Variants in NGLY1 observed in about 807,000 individuals in gnomAD.
NGLY1 encodes peptide-N(4)-(N-acetyl-beta-glucosaminyl)asparagine amidase.
NGLY1 carries 68 observed loss-of-function variants against 84.6 expected under a neutral mutation model. That is an observed-to-expected ratio of 0.80 (90% CI 0.66 to 0.98). The LOEUF is 0.98. NGLY1 is among the 50% of genes least tolerant of loss of function. The probability of loss-of-function intolerance (pLI) is 0.00; values close to 1 mark genes in which losing one functional copy is unlikely to be tolerated. For synonymous variants in NGLY1, 280 were observed against 275.2 expected, an observed-to-expected ratio of 1.02 and a Z score of -0.17; for missense variants, 779 against 770.2, an observed-to-expected ratio of 1.01 and a Z score of -0.14.
At chr3:25,762,049 A>C (rs1000223310) in intron 3 of NGLY1, among the ~76,000 whole-genome samples, 10 of 152,214 alleles carry the variant, frequency 6.6e-5, no homozygotes, top group African/African-American at 2.4e-4. Context: ...ATTGAGTATC[A>C]ATATATTCCA....
intron 9 of NGLY1, among the ~76,000 whole-genome samples, chr3:25,731,705 C>T (rs1004259389): frequency 1.3e-5 from 2 of 152,094 alleles, no homozygotes; most frequent in African/African-American, 4.8e-5. Context: ...TAGCCATCAA[C>T]AGTGAAAAAT....
rs1013873617 is a variant in NGLY1 at position 25,775,562 on chromosome 3, C to G, written c.246+3012G>C. On this transcript the variant is annotated intron_variant, in intron 2 of 11. Transcript: ENST00000280700. ...TTCAGAAAGACAAATAACACATGTT[C>G]TCACTCATATGTGGGAGCTAAAACA... Among the ~76,000 whole-genome samples the G allele has an allele frequency of 3.3e-5, 5 of 152,160 alleles. 1 individual carries two copies. The highest frequency in any genetic ancestry group is 1.3e-4 in the Admixed American group (2 of 15,274).
Position 25,719,246 on chromosome 3 carries a change from C to A in NGLY1, c.*214G>T. ...CATATTGAGTCAACAAGACTTTACT[C>A]CAAATTATAGTCACATATGGAAGAA... On this transcript the variant is annotated 3_prime_UTR_variant, in exon 12 of 12. Coordinates refer to ENST00000280700, the MANE Select transcript of NGLY1 (RefSeq NM_018297.4). The A allele has an allele frequency of 2.6e-6, 1 of 389,262 alleles. No individual in the cohort carries two copies. The allele number at this position is 389,262 out of a possible 1,614,324, so 24.1% of individuals were successfully genotyped here.
chr3:25,734,937 G>A (rs1244828895), intron 7 of NGLY1: 4 of 694,490 alleles, frequency 5.8e-6, no homozygotes, highest in South Asian at 6.5e-5. Context: ...TTATATTACA[G>A]AACTGATTTT....
intron 3 of NGLY1, among the ~76,000 whole-genome samples, chr3:25,760,844 G>T (rs959949105): frequency 7.9e-6 from 1 of 125,970 alleles, no homozygotes; most frequent in Non-Finnish European, 1.6e-5. Context: ...TGGGCAACAA[G>T]AGTGAAACTC....
At position 25,783,112 on chromosome 3, in the gene NGLY1, A is replaced by C; in HGVS notation, c.131+148T>G. The C allele has an allele frequency of 1.5e-6, 1 of 671,920 alleles. No homozygotes were observed. The highest frequency in any genetic ancestry group is 2.4e-6 in the Non-Finnish European group (1 of 418,878). 41.6% of individuals were successfully genotyped at this position (671,920 alleles called of 1,614,324 possible). ...CGAGGCCCCTGGCCGGCGGGCTCGG[A>C]CGTTAGGAGCAGAACCAGCTCCAGG... On this transcript the variant is annotated intron_variant, in intron 1 of 11. Coordinates refer to ENST00000280700, the MANE Select transcript of NGLY1 (RefSeq NM_018297.4). This position sits in a 1 kb window ranked among gnomAD's most constrained non-coding sequence, Gnocchi z 4.5.
At chr3:25,732,583 C>A in intron 8 of NGLY1, 100 bp from the exon 9 acceptor site, 1 of 765,052 alleles carries the variant, frequency 1.3e-6, no homozygotes, top group Non-Finnish European at 2.0e-6. Context: ...TTTAAGAGGT[C>A]TTGAAACAAG....
chr3:25,770,741 T>A (rs1415527700), intron 2 of NGLY1, among the ~76,000 whole-genome samples: 3 of 152,228 alleles, frequency 2.0e-5, no homozygotes, highest in Non-Finnish European at 4.4e-5. Context: ...ATTCTTTAAT[T>A]ATGGCCATTC....
chr3:25,784,549 T>C (rs191603639), upstream of NGLY1, among the ~76,000 whole-genome samples: 1 of 152,352 alleles, frequency 6.6e-6, no homozygotes, highest in East Asian at 1.9e-4. Flanking sequence ...CTTCCTTCTT[T>C]GCAGAAATTC....
At chr3:25,734,683 G>T in intron 7 of NGLY1, 1 of 652,778 alleles carries the variant, frequency 1.5e-6, no homozygotes, top group Non-Finnish European at 1.9e-6. Flanking sequence ...CTGCACTCCA[G>T]CCTGGGCAAG....
chr3:25,724,466 T>C (rs1244626134), intron 10 of NGLY1, among the ~76,000 whole-genome samples: 1 of 152,250 alleles, frequency 6.6e-6, no homozygotes, highest in African/African-American at 2.4e-5. Flanking sequence ...TAAATATTTC[T>C]GTGTATACTT....
At chr3:25,734,288 CGAACTCCT>C (rs970434849) in intron 7 of NGLY1, 1 of 181,304 alleles carries the variant, frequency 5.5e-6, no homozygotes, top group Admixed American at 6.2e-5. Context: ...AGGCTGGTCT[CGAACTCCT>C]GACCTCAGGT....
rs143353538 is a variant in NGLY1 at position 25,739,762 on chromosome 3, C to T, written c.696G>A (p.Glu232=). 6.2e-7 allele frequency: 1 copy of T among 1,614,020 alleles called. No individual in the cohort carries two copies. Among genetic ancestry groups the T allele is most frequent in the Non-Finnish European group, 8.5e-7 (1 of 1,179,978 alleles). ...ATTCTTCCTTAAACCAGTGCAAAAG[C>T]TCCAGCAAAAGAAAATCCTCATCAC... The part of the protein sequence containing the change: ...NISDEDFLLL[E]LLHWFKEEFF... Residue 232 remains glutamate (E), a synonymous_variant, in exon 5 of 12, where the codon GAG becomes GAA. Coordinates refer to ENST00000280700, the MANE Select transcript of NGLY1 (RefSeq NM_018297.4).
rs550789988 is a variant in NGLY1, at chr3:25,778,049, G to A, written c.246+525C>T. Among the ~76,000 whole-genome samples the A allele has an allele frequency of 4.6e-5, 7 of 152,114 alleles. No individual in the cohort carries two copies. The East Asian group carries it at 9.7e-4, about 21-fold the overall frequency. ...ATTCAGAATCTTAATAACTACTTTCGATGTGTCATAAAATTAAACTACACC... is the reference window on the plus strand; with the variant it reads ...ATTCAGAATCTTAATAACTACTTTCAATGTGTCATAAAATTAAACTACACC... On this transcript the variant is annotated intron_variant, in intron 2 of 11. Transcript: ENST00000280700.
Position 25,759,911 on chromosome 3 carries a change from T to TAAA in NGLY1, c.492+4152_492+4154dup, listed in dbSNP as rs748237273. On this transcript the variant is annotated intron_variant, in intron 3 of 11. Transcript: ENST00000280700. Reference sequence around the variant, plus strand: ...AGATTAGCAAATTCACTTCTTTAGTTAAAAAAACACACACACACACACACA... The same window carrying TAAA: ...AGATTAGCAAATTCACTTCTTTAGTTAAAAAAAAAACACACACACACACACACA... Among the ~76,000 whole-genome samples, 95 of 60,732 alleles carry TAAA rather than the reference T, an allele frequency of 1.6e-3. 1 individual carries two copies. Among genetic ancestry groups the TAAA allele is most frequent in the African/African-American group, 2.8e-3 (90 of 31,872 alleles). 39.8% of individuals were successfully genotyped at this position (60,732 alleles called of 152,430 possible). A position where few individuals can be genotyped will look rare whatever the true frequency, so the allele number is the denominator to read the frequency against.
intron 7 of NGLY1, 32 bp downstream of exon 7, chr3:25,735,972 T>C (rs781496456): frequency 3.3e-5 from 51 of 1,549,360 alleles, no homozygotes; most frequent in South Asian, 1.9e-4. Context: ...TATTTTACTT[T>C]TGGAAAAAAG....
Position 25,732,478 on chromosome 3 carries a change from T to C in NGLY1, c.1266A>G (p.Gln422=). Residue 422 remains glutamine, a synonymous_variant, in exon 9 of 12, where the codon CAA becomes CAG. Coordinates refer to ENST00000280700, the MANE Select transcript of NGLY1 (RefSeq NM_018297.4). ...TCCTTCTGTTTTCTGACAAAAACAG[T>C]TGCCTCTGTAATTCATGTTTTTTAA... The part of the protein sequence containing the change: ...DTINGLNKQR[Q]LFLSENRRKE... 2 of 1,612,320 alleles carry C rather than the reference T, an allele frequency of 1.2e-6. No individual in the cohort carries two copies. The highest frequency in any genetic ancestry group is 2.2e-5 in the South Asian group (2 of 90,886).
chr3:25,755,832 T>A (rs113314501), intron 3 of NGLY1, among the ~76,000 whole-genome samples: 2 of 152,336 alleles, frequency 1.3e-5, no homozygotes, highest in African/African-American at 4.8e-5. Flanking sequence ...ACACAAAATG[T>A]GCTTTTCATT....
chr3:25,757,662 T>C (rs1707109295), intron 3 of NGLY1, among the ~76,000 whole-genome samples: 1 of 152,138 alleles, frequency 6.6e-6, no homozygotes, highest in South Asian at 2.1e-4. Context: ...AGGAAAACAA[T>C]TTGCAAGAGA....
Sources: allele counts gnomAD v4.1 joint callset (sites outside exome capture counted in the v4.1 genomes callset), GRCh38; gene constraint gnomAD v4.1.1; non-coding constraint Gnocchi (gnomAD v3.1); transcripts MANE v1.5; gene names NCBI Gene and HGNC (gene_info 2026-07-23, HGNC 2026-07-21).